Variants in UGT1A9 observed in about 807,000 individuals in gnomAD.
The protein encoded by UGT1A9 is UDP-glucuronosyltransferase 1A9.
UGT1A9 carries 35 observed loss-of-function variants against 45.0 expected under a neutral mutation model. The observed-to-expected ratio is 0.78, with a 90% CI of 0.59 to 1.03. UGT1A9 has a LOEUF of 1.03. Among genes scored for constraint, UGT1A9 ranks in the 50% least tolerant of loss-of-function variants. The pLI is 0.00. For missense variants in UGT1A9, 687 were observed against 666.6 expected (o/e 1.03, Z -0.34); for synonymous variants, 278 against 250.6 (o/e 1.11, Z -1.03).
chr2:233,693,488 T>A, intron 1 of UGT1A9: 1 of 1,614,100 alleles, frequency 6.2e-7, no homozygotes, highest in African/African-American at 1.3e-5. Flanking sequence ...CCTGGCTGAG[T>A]ATTTGGGCCT....
At position 233,679,741 on chromosome 2, in the gene UGT1A9, A is replaced by C. The variant is rs1037953567; in HGVS notation, c.855+6952A>C. On this transcript the variant is annotated intron_variant, in intron 1 of 4. Coordinates refer to ENST00000354728, the MANE Select transcript of UGT1A9 (RefSeq NM_021027.3). ...TTTTAAAGCCAAACCTCTTTGTAAA[A>C]CTAGCAAACCATCCTTTGTTGCCAT... is the stretch of plus-strand genomic sequence containing the variant. 2.0e-5 allele frequency among the ~76,000 whole-genome samples: 3 copies of C among 152,000 alleles called. No homozygotes were observed. In the East Asian group the frequency reaches 5.8e-4, roughly 29 times the overall value.
intron 1 of UGT1A9, chr2:233,721,743 A>G: frequency 2.3e-6 from 1 of 437,974 alleles, no homozygotes; most frequent in Non-Finnish European, 4.5e-6. Flanking sequence ...TAATGATGAG[A>G]GAATCTACAT....
intron 3 of UGT1A9, 91 bp from the exon 4 acceptor site, chr2:233,768,129 T>C: frequency 1.2e-6 from 2 of 1,606,026 alleles, no homozygotes; most frequent in East Asian, 4.5e-5. Context: ...TGAGTAACAC[T>C]GAGTCTTTGG....
intron 1 of UGT1A9, chr2:233,747,421 AAC>A: frequency 1.9e-6 from 3 of 1,607,992 alleles, no homozygotes; most frequent in Non-Finnish European, 2.6e-6. Flanking sequence ...ATGCACATCA[AAC>A]AAGAGAAATT....
chr2:233,714,925 G>A (rs1358582665), intron 1 of UGT1A9, among the ~76,000 whole-genome samples: 5 of 152,094 alleles, frequency 3.3e-5, no homozygotes, highest in African/African-American at 1.2e-4. Flanking sequence ...CACCCAGTCT[G>A]GAGTGCAGTG....
At chr2:233,692,979 C>A in intron 1 of UGT1A9, 1 of 1,612,842 alleles carries the variant, frequency 6.2e-7, no homozygotes, top group Non-Finnish European at 8.5e-7. Context: ...CTCTTTATTA[C>A]CGTTGTTACT....
At chr2:233,696,209 G>A (rs2075331761) in intron 1 of UGT1A9, among the ~76,000 whole-genome samples, 1 of 152,136 alleles carries the variant, frequency 6.6e-6, no homozygotes, top group Admixed American at 6.5e-5. Context: ...GTTTATTATA[G>A]CACTATTCAC....
intron 1 of UGT1A9, chr2:233,760,371 G>C (rs995864584): frequency 6.2e-7 from 1 of 1,614,040 alleles, no homozygotes. Flanking sequence ...CCCATGCTGG[G>C]AAGATACTGT....
intron 1 of UGT1A9, among the ~76,000 whole-genome samples, chr2:233,702,307 C>A (rs2075680349): frequency 6.6e-6 from 1 of 152,052 alleles, no homozygotes; most frequent in Non-Finnish European, 1.5e-5. Flanking sequence ...GTATATTGAT[C>A]TTGTACTTCA....
At chr2:233,720,720 T>C (rs79066052) in intron 1 of UGT1A9, among the ~76,000 whole-genome samples, 5 of 150,478 alleles carry the variant, frequency 3.3e-5, no homozygotes, top group Non-Finnish European at 7.4e-5. Flanking sequence ...TTTTTTTTTT[T>C]CTTGAGACTG....
intron 1 of UGT1A9, among the ~76,000 whole-genome samples, chr2:233,728,740 G>C (rs1227544555): frequency 1.3e-5 from 2 of 152,220 alleles, no homozygotes; most frequent in African/African-American, 2.4e-5. Flanking sequence ...CTGGGGGCTA[G>C]GGCAATGGTG....
At chr2:233,757,847 T>C (rs529889907) in intron 1 of UGT1A9, among the ~76,000 whole-genome samples, 12 of 152,082 alleles carry the variant, frequency 7.9e-5, no homozygotes, top group African/African-American at 2.7e-4. Context: ...CTAACTTATG[T>C]CTTCAGCTTA....
chr2:233,748,022 G>A, intron 1 of UGT1A9: 2 of 1,613,526 alleles, frequency 1.2e-6, no homozygotes, highest in South Asian at 2.2e-5. Flanking sequence ...GGCCGATCAT[G>A]CCCAACATGG....
rs2074607007 is a variant in UGT1A9, at chr2:233,682,922, T to A, written c.855+10133T>A. 11 of 1,476,916 alleles carry A rather than the reference T, an allele frequency of 7.4e-6. No individual in the cohort carries two copies. The South Asian group carries it at 1.6e-4, about 21-fold the overall frequency. 91.5% of individuals were successfully genotyped at this position (1,476,916 alleles called of 1,614,324 possible). ...TTCTTTCTGGTTTAAGGAATTCTTT[T>A]GTACCAATTCACTTAATTGTTGGGT... On this transcript the variant is annotated intron_variant, in intron 1 of 4. Coordinates refer to ENST00000354728, the MANE Select transcript of UGT1A9 (RefSeq NM_021027.3).
intron 1 of UGT1A9, among the ~76,000 whole-genome samples, chr2:233,749,072 C>A (rs570371111): frequency 6.6e-6 from 1 of 151,796 alleles, no homozygotes; most frequent in East Asian, 1.9e-4. Flanking sequence ...GTTTCTTATT[C>A]CTTGGTGTGC....
chr2:233,737,046 A>C (rs1237112865), intron 1 of UGT1A9, among the ~76,000 whole-genome samples: 1 of 152,204 alleles, frequency 6.6e-6, no homozygotes, highest in Non-Finnish European at 1.5e-5. Context: ...CAAATGCCAT[A>C]CTAGGAGAAC....
In UGT1A9 at chr2:233,768,384, G is replaced by A; in HGVS notation, c.1240G>A (p.Glu414Lys). 2 of 1,614,136 alleles carry A rather than the reference G, an allele frequency of 1.2e-6. No individual in the cohort carries two copies. Among genetic ancestry groups the A allele is most frequent in the Non-Finnish European group, 1.7e-6 (2 of 1,180,028 alleles). ...KGAGVTLNVLEMTSEDLENAL... is the reference protein window; with the variant it reads ...KGAGVTLNVLKMTSEDLENAL... ...AGCTGGAGTGACCCTGAATGTTCTGGAAATGACTTCTGAAGATTTAGAAAA... is the reference window on the plus strand; with the variant it reads ...AGCTGGAGTGACCCTGAATGTTCTGAAAATGACTTCTGAAGATTTAGAAAA... The change falls in exon 4 of 5, where the codon GAA becomes AAA. Residue 414 changes from glutamate (E) to lysine (K), a missense_variant. By Grantham distance (56) the Glu-to-Lys change is moderately conservative. Transcript: ENST00000354728.
rs762092554 is a variant in UGT1A9, at chr2:233,672,102, T to C, written c.168T>C (p.Val56=). ...TCATTCTCAGGGGGCATGAGGTGGT[T>C]GTAGTCATGCCAGAGGTGAGTTGGC... The part of the protein sequence containing the change: ...EKLILRGHEV[V]VVMPEVSWQL... Residue 56 remains valine, a synonymous_variant, in exon 1 of 5, where the codon GTT becomes GTC. Coordinates refer to ENST00000354728, the MANE Select transcript of UGT1A9 (RefSeq NM_021027.3). 6.2e-6 allele frequency: 10 copies of C among 1,614,022 alleles called. No individual in the cohort carries two copies. The highest frequency in any genetic ancestry group is 8.5e-6 in the Non-Finnish European group (10 of 1,180,000).
At chr2:233,700,616 G>A (rs998410920) in intron 1 of UGT1A9, among the ~76,000 whole-genome samples, 7 of 151,898 alleles carry the variant, frequency 4.6e-5, no homozygotes, top group Non-Finnish European at 8.8e-5. Flanking sequence ...TTTTGGGGGG[G>A]TTCCAGTAAG....
Sources: allele counts gnomAD v4.1 joint callset (sites outside exome capture counted in the v4.1 genomes callset), GRCh38; gene constraint gnomAD v4.1.1; transcripts MANE v1.5; gene names NCBI Gene and HGNC (gene_info 2026-07-23, HGNC 2026-07-21).